Variants in LRRC56 observed in about 807,000 individuals in gnomAD.
LRRC56 encodes leucine rich repeat containing 56.
In LRRC56, 41 loss-of-function variants were observed where a neutral mutation model predicts 47.8. The observed-to-expected ratio is 0.86, with a 90% confidence interval of 0.67 to 1.11. LRRC56 has a LOEUF of 1.11. Ranked by LOEUF, LRRC56 falls within the 50% of genes most tolerant of loss-of-function variation. LRRC56 has a pLI of 0.00. For synonymous variants in LRRC56, 387 were observed against 311.2 expected, an observed-to-expected ratio of 1.24 and a Z score of -2.56; for missense variants, 759 against 704.2, an observed-to-expected ratio of 1.08 and a Z score of -0.88.
chr11:533,826 C>G (rs1255434828), upstream of LRRC56: 1 of 1,613,344 alleles, frequency 6.2e-7, no homozygotes, highest in Non-Finnish European at 8.5e-7. Context: ...ACACAGGAAG[C>G]CCTCCCCGGT....
the LRRC56 span, among the ~76,000 whole-genome samples, chr11:515,090 C>T: frequency 1.3e-5 from 2 of 152,176 alleles, no homozygotes; most frequent in Non-Finnish European, 2.9e-5. Flanking sequence ...TTACTTTCCT[C>T]CTCCTGAAGT....
chr11:522,290 G>C, the LRRC56 span, among the ~76,000 whole-genome samples: 1 of 151,702 alleles, frequency 6.6e-6, no homozygotes, highest in Non-Finnish European at 1.5e-5. Context: ...GTTTGAGACA[G>C]AGTCTCACTC....
chr11:554,309 G>A lies in LRRC56; in HGVS notation c.*33G>A, dbSNP rs1282995514. 1 of 1,463,166 alleles carries A rather than the reference G, an allele frequency of 6.8e-7. No individual in the cohort carries two copies. Among genetic ancestry groups the A allele is most frequent in the South Asian group, 1.4e-5 (1 of 70,920 alleles). 90.6% of individuals were successfully genotyped at this position (1,463,166 alleles called of 1,614,324 possible). ...CCCACTGCCAGGCTTCCCTGTGCTG[G>A]GGCCACGACTTGCCCACATATGTGG... On this transcript the variant is annotated 3_prime_UTR_variant, in exon 14 of 14. Transcript: ENST00000270115.
chr11:534,211 C>T, upstream of LRRC56: 1 of 1,609,536 alleles, frequency 6.2e-7, no homozygotes, highest in Non-Finnish European at 8.5e-7. Flanking sequence ...GCCAGGCTCA[C>T]CTCTATAGTG....
the LRRC56 span, among the ~76,000 whole-genome samples, chr11:511,267 G>A: frequency 6.7e-6 from 1 of 149,400 alleles, no homozygotes; most frequent in African/African-American, 2.5e-5. Context: ...CTTGCAGTGA[G>A]CCAAGATCGC....
At chr11:518,498 T>G in the LRRC56 span, among the ~76,000 whole-genome samples, 1 of 152,102 alleles carries the variant, frequency 6.6e-6, no homozygotes, top group East Asian at 1.9e-4. Context: ...TTAAATTTTT[T>G]TTGTATTGTT....
intron 11 of LRRC56, 45 bp downstream of exon 11, chr11:552,012 G>A: frequency 6.2e-7 from 1 of 1,610,392 alleles, no homozygotes; most frequent in Non-Finnish European, 8.5e-7. Context: ...CAGTGTCCAG[G>A]GTTGCGGCCC....
rs372194096 is a variant in LRRC56, at chr11:554,896, A to G, written c.*620A>G. ...TTACTTTGTAGGCCACGTTGGTTCA[A>G]TAAATGATGCAGCGGACACAGCCCG... is the stretch of plus-strand genomic sequence containing the variant. On this transcript the variant is annotated 3_prime_UTR_variant, in exon 14 of 14. Coordinates refer to ENST00000270115, the MANE Select transcript of LRRC56 (RefSeq NM_198075.4). The G allele has an allele frequency of 1.2e-4, 123 of 990,950 alleles. No homozygotes were observed. The African/African-American group carries it at 2.0e-3, about 16-fold the overall frequency. 61.4% of individuals were successfully genotyped at this position (990,950 alleles called of 1,614,324 possible).
the LRRC56 span, among the ~76,000 whole-genome samples, chr11:525,527 G>A: frequency 6.6e-6 from 1 of 150,604 alleles, no homozygotes; most frequent in South Asian, 2.1e-4. Flanking sequence ...TGACAGAGGT[G>A]ACAGAGTGAG....
At chr11:535,730 C>T (rs911373363), upstream of LRRC56, among the ~76,000 whole-genome samples, 2 of 152,094 alleles carry the variant, frequency 1.3e-5, no homozygotes, top group Non-Finnish European at 2.9e-5. Flanking sequence ...GGAGGCGGAG[C>T]CAGTAGGGCC....
At chr11:537,120 C>G (rs12421266), upstream of LRRC56, 1 of 152,222 alleles carries the variant, frequency 6.6e-6, no homozygotes, top group African/African-American at 2.4e-5. Flanking sequence ...CGGCAGGCCT[C>G]GGCCCCAGGG....
At chr11:525,287 C>T in the LRRC56 span, among the ~76,000 whole-genome samples, 2 of 151,656 alleles carry the variant, frequency 1.3e-5, no homozygotes, top group Admixed American at 6.6e-5. Flanking sequence ...CGCCTGTAAT[C>T]CCAGCACTTT....
chr11:524,105 G>A, the LRRC56 span, among the ~76,000 whole-genome samples: 1 of 152,012 alleles, frequency 6.6e-6, no homozygotes, highest in African/African-American at 2.4e-5. Context: ...AATCCCAGCA[G>A]GACTTTCTGT....
the LRRC56 span, among the ~76,000 whole-genome samples, chr11:518,226 A>C: frequency 3.9e-5 from 6 of 151,924 alleles, no homozygotes; most frequent in African/African-American, 1.5e-4. Context: ...TCTGTCGCCT[A>C]GGCTGGAGTG....
At chr11:525,908 T>C in the LRRC56 span, among the ~76,000 whole-genome samples, 7 of 151,042 alleles carry the variant, frequency 4.6e-5, no homozygotes, top group African/African-American at 1.7e-4. Context: ...AACAAATAAA[T>C]AAATAGGCCA....
upstream of LRRC56, chr11:533,409 C>T (rs367952414): frequency 1.8e-5 from 14 of 767,212 alleles, no homozygotes; most frequent in African/African-American, 8.8e-5. Context: ...TGGGGCGGGG[C>T]GGGGCGGGTC....
chr11:526,114 G>A, the LRRC56 span, among the ~76,000 whole-genome samples: 1 of 152,082 alleles, frequency 6.6e-6, no homozygotes, highest in African/African-American at 2.4e-5. Flanking sequence ...GGCTGAGGCA[G>A]GAGAATCGCT....
the LRRC56 span, among the ~76,000 whole-genome samples, chr11:523,164 G>A: frequency 6.6e-6 from 1 of 152,002 alleles, no homozygotes; most frequent in Non-Finnish European, 1.5e-5. Context: ...GAGTGGCTGG[G>A]ATTACAGGCA....
chr11:551,046 G>A, intron 8 of LRRC56, 85 bp from the exon 9 acceptor site: 1 of 822,326 alleles, frequency 1.2e-6, no homozygotes, highest in Non-Finnish European at 1.8e-6. Context: ...CGGTGGGTCT[G>A]GGAAAGGGAG....
Sources: allele counts gnomAD v4.1 joint callset (sites outside exome capture counted in the v4.1 genomes callset), GRCh38; gene constraint gnomAD v4.1.1; transcripts MANE v1.5; gene names NCBI Gene and HGNC (gene_info 2026-07-23, HGNC 2026-07-21).